SEMA3A: variants seen among roughly 807,000 people sequenced by gnomAD.
SEMA3A encodes semaphorin-3A.
In SEMA3A, 29 loss-of-function variants were observed where a neutral mutation model predicts 97.9. The ratio of observed to expected loss-of-function variants is 0.30; its 90% CI spans 0.22 to 0.40. The LOEUF (loss-of-function observed/expected upper bound fraction) is 0.40. Among genes scored for constraint, SEMA3A ranks in the 10% least tolerant of loss-of-function variants. The pLI is 1.00. For missense variants in SEMA3A, 763 were observed against 951.3 expected (o/e 0.80, Z 2.60); for synonymous variants, 321 against 323.7 (o/e 0.99, Z 0.09).
intron 1 of SEMA3A, 41 bp downstream of exon 1, chr7:84,194,434 T>A: frequency 7.4e-7 from 1 of 1,343,966 alleles, no homozygotes; most frequent in Non-Finnish European, 1.1e-6. Context: ...GGGGGGGCGG[T>A]TATTACAAAG....
intron 3 of SEMA3A, among the ~76,000 whole-genome samples, chr7:84,252,593 C>T (rs1410671534): frequency 6.6e-6 from 1 of 152,072 alleles, no homozygotes; most frequent in East Asian, 1.9e-4. Context: ...TTATTGAAAA[C>T]CAAATTTCCC....
intron 14 of SEMA3A, among the ~76,000 whole-genome samples, chr7:83,980,671 T>A (rs1243579030): frequency 6.9e-6 from 1 of 144,528 alleles, no homozygotes; most frequent in Non-Finnish European, 1.5e-5. Flanking sequence ...TATATACACA[T>A]ATACATATAG....
chr7:84,050,113 A>T (rs1289992247), intron 5 of SEMA3A, among the ~76,000 whole-genome samples: 1 of 151,378 alleles, frequency 6.6e-6, no homozygotes, highest in Non-Finnish European at 1.5e-5. Flanking sequence ...CCAGTCTATC[A>T]TTGTTGGACA....
intron 1 of SEMA3A, among the ~76,000 whole-genome samples, chr7:84,180,002 T>G (rs1797691156): frequency 6.8e-6 from 1 of 147,540 alleles, no homozygotes; most frequent in African/African-American, 2.5e-5. Context: ...TCGCTCTTGT[T>G]GTGGCGCGAT....
chr7:84,258,466 T>C (rs1584176318), intron 3 of SEMA3A, among the ~76,000 whole-genome samples: 1 of 152,138 alleles, frequency 6.6e-6, no homozygotes, highest in East Asian at 1.9e-4. Flanking sequence ...TTATATGCTG[T>C]ATTTTGAGAA....
chr7:84,038,270 A>G (rs1410909764), intron 6 of SEMA3A, among the ~76,000 whole-genome samples: 1 of 152,054 alleles, frequency 6.6e-6, no homozygotes, highest in African/African-American at 2.4e-5. Context: ...CGCCACTTTG[A>G]TTGCTTTCCT....
Position 84,111,456 on chromosome 7 carries a change from T to TG in SEMA3A, c.334-868dup, listed in dbSNP as rs564241610. ...CCAAATGACATCTGTATTCTATACT[T>TG]GCAGCTGATTATTTTTATCTTAATT... On this transcript the variant is annotated intron_variant, in intron 3 of 16. Transcript: ENST00000265362. Among the ~76,000 whole-genome samples the TG allele has an allele frequency of 5.3e-5, 8 of 152,344 alleles. No homozygotes were observed. The East Asian group carries it at 1.5e-3, about 29-fold the overall frequency.
intron 14 of SEMA3A, among the ~76,000 whole-genome samples, chr7:83,980,623 A>ACAAAACAAAACAAAATATATATAT (rs1554383377): frequency 1.4e-5 from 1 of 71,762 alleles, no homozygotes; most frequent in African/African-American, 8.3e-5. Context: ...AAAAAAAAAA[A>ACAAAACAAAACAAAATATATATAT]ATATATATAT....
chr7:84,068,877 T>A (rs1273611458), intron 4 of SEMA3A, among the ~76,000 whole-genome samples: 16 of 152,128 alleles, frequency 1.1e-4, no homozygotes, highest in African/African-American at 3.9e-4. Flanking sequence ...TGTCAGGTAA[T>A]GTGTTGAAAG....
intron 1 of SEMA3A, among the ~76,000 whole-genome samples, chr7:84,454,164 AGAGCTGTG>A (rs1463412728): frequency 6.6e-6 from 1 of 152,182 alleles, no homozygotes; most frequent in Non-Finnish European, 1.5e-5. Flanking sequence ...AAAATGTAAA[AGAGCTGTG>A]GAGTCTTGCT....
At chr7:83,978,680 GA>G (rs1460370577) in intron 14 of SEMA3A, among the ~76,000 whole-genome samples, 22 of 152,200 alleles carry the variant, frequency 1.4e-4, no homozygotes, top group African/African-American at 4.8e-4. Context: ...TAGAATTAGT[GA>G]AACTATCAAA....
intron 7 of SEMA3A, among the ~76,000 whole-genome samples, chr7:84,013,582 G>A (rs1009833945): frequency 6.7e-6 from 1 of 149,176 alleles, no homozygotes; most frequent in Non-Finnish European, 1.5e-5. Flanking sequence ...TAGGCCGGGT[G>A]CAGTGGTTCA....
intron 2 of SEMA3A, among the ~76,000 whole-genome samples, chr7:84,370,834 G>C (rs1802955311): frequency 6.6e-6 from 1 of 151,412 alleles, no homozygotes; most frequent in South Asian, 2.1e-4. Flanking sequence ...AATATAGCAT[G>C]TTCTAAGGCA....
chr7:83,964,797 A>T (rs566433136), intron 15 of SEMA3A, among the ~76,000 whole-genome samples: 1 of 152,264 alleles, frequency 6.6e-6, no homozygotes, highest in African/African-American at 2.4e-5. Flanking sequence ...AGTCACATTT[A>T]AAAAAAATTG....
intron 5 of SEMA3A, among the ~76,000 whole-genome samples, chr7:84,047,786 C>T (rs1002311527): frequency 1.3e-5 from 2 of 152,056 alleles, no homozygotes; most frequent in African/African-American, 4.8e-5. Flanking sequence ...TAAATTATAA[C>T]AAGCATTTGT....
chr7:84,469,629 C>A (rs150242765), intron 1 of SEMA3A, among the ~76,000 whole-genome samples: 81 of 152,230 alleles, frequency 5.3e-4, no homozygotes, highest in African/African-American at 1.9e-3. Flanking sequence ...TAACCTAAAT[C>A]ATTGTCCACA....
chr7:84,424,603 TTAATATATAATA>T (rs1399214968), intron 1 of SEMA3A, among the ~76,000 whole-genome samples: 1 of 48,172 alleles, frequency 2.1e-5, no homozygotes, highest in Non-Finnish European at 3.0e-5. Flanking sequence ...TATATAAATA[TTAATATATAATA>T]TAATATATAA....
At chr7:84,486,774 G>A (rs536959635) in intron 1 of SEMA3A, among the ~76,000 whole-genome samples, 2 of 151,998 alleles carry the variant, frequency 1.3e-5, no homozygotes, top group South Asian at 2.1e-4. Context: ...GAAATGCATC[G>A]CATAGTTAAT....
chr7:84,481,722 A>G (rs1364501125), intron 1 of SEMA3A, among the ~76,000 whole-genome samples: 1 of 152,036 alleles, frequency 6.6e-6, no homozygotes, highest in African/African-American at 2.4e-5. Flanking sequence ...CTATAGCTTG[A>G]CAGAATAAAA....
Sources: gnomAD v4.1 joint callset for allele counts (sites outside exome capture counted in the v4.1 genomes callset) on GRCh38, gnomAD v4.1.1 for gene constraint, MANE v1.5 for transcripts, NCBI Gene and HGNC (gene_info 2026-07-23, HGNC 2026-07-21) for gene names.